Variants in LMX1A observed in about 807,000 individuals in gnomAD.
LMX1A encodes the protein LIM homeobox transcription factor 1-alpha.
A neutral mutation model predicts 49.1 loss-of-function variants in LMX1A; 15 were observed. That is an observed-to-expected ratio of 0.31 (90% confidence interval 0.20 to 0.47). The LOEUF (loss-of-function observed/expected upper bound fraction) is 0.47. Ranked by LOEUF, LMX1A falls within the 20% of genes least tolerant of loss-of-function variation. LMX1A has a pLI of 1.00. For synonymous variants in LMX1A, 167 were observed against 185.7 expected, an observed-to-expected ratio of 0.90 and a Z score of 0.82; for missense variants, 372 against 475.8, an observed-to-expected ratio of 0.78 and a Z score of 2.03.
At chr1:165,286,796 T>C (rs200032337) in intron 3 of LMX1A, among the ~76,000 whole-genome samples, 2 of 144,602 alleles carry the variant, frequency 1.4e-5, no homozygotes, top group Admixed American at 1.4e-4. Context: ...AAACAAGCCC[T>C]TTCCAATCTT....
rs1273483269 is a variant in LMX1A at position 165,203,520 on chromosome 1, G to C, written c.*360C>G. ...CTGTCCTTCTGTCTATTGGTGTGTA[G>C]ATGGATAGACATATGCACCTCTTGA... On this transcript the variant is annotated 3_prime_UTR_variant, in exon 9 of 9. Transcript: ENST00000342310. 5.6e-6 allele frequency: 1 copy of C among 178,586 alleles called. No homozygotes were observed. Among genetic ancestry groups the C allele is most frequent in the South Asian group, 1.5e-4 (1 of 6,604 alleles). The allele number at this position is 178,586 out of a possible 1,614,324, so 11.1% of individuals were successfully genotyped here.
chr1:165,245,834 G>T (rs1210405121), intron 4 of LMX1A, among the ~76,000 whole-genome samples: 1 of 151,898 alleles, frequency 6.6e-6, no homozygotes, highest in African/African-American at 2.4e-5. Flanking sequence ...TCTTTGCGCG[G>T]TTCTGCTAGC....
chr1:165,299,070 T>C (rs1349158775), intron 3 of LMX1A, among the ~76,000 whole-genome samples: 2 of 152,208 alleles, frequency 1.3e-5, no homozygotes, highest in Non-Finnish European at 2.9e-5. Flanking sequence ...TGTCCAAGGG[T>C]AGTATGTTTC....
intron 3 of LMX1A, among the ~76,000 whole-genome samples, chr1:165,314,150 C>T (rs1655154285): frequency 6.6e-6 from 1 of 152,238 alleles, no homozygotes; most frequent in Admixed American, 6.5e-5. Context: ...TAACTGCTGT[C>T]TCAGCCATTT....
At chr1:165,204,446 A>T (rs1207704254) in intron 8 of LMX1A, among the ~76,000 whole-genome samples, 3 of 152,248 alleles carry the variant, frequency 2.0e-5, no homozygotes, top group Non-Finnish European at 2.9e-5. Context: ...GAAGCTAATG[A>T]AAACTCCTGT....
chr1:165,254,322 G>A (rs1241778626), intron 3 of LMX1A, among the ~76,000 whole-genome samples: 1 of 152,182 alleles, frequency 6.6e-6, no homozygotes, highest in South Asian at 2.1e-4. Context: ...CTCAGGAGTC[G>A]CTAGAGGAAG....
intron 3 of LMX1A, among the ~76,000 whole-genome samples, chr1:165,340,120 T>C (rs1301141969): frequency 2.0e-5 from 3 of 152,070 alleles, no homozygotes; most frequent in African/African-American, 7.2e-5. Context: ...GTTTGTTTGG[T>C]TTTTTGAGAC....
intron 3 of LMX1A, among the ~76,000 whole-genome samples, chr1:165,258,618 C>T (rs543500284): frequency 6.6e-6 from 1 of 152,308 alleles, no homozygotes; most frequent in East Asian, 1.9e-4. Context: ...GGAGTGAGAA[C>T]TGCTAAGTAT....
intron 3 of LMX1A, among the ~76,000 whole-genome samples, chr1:165,319,015 A>T (rs899289141): frequency 2.3e-5 from 3 of 131,676 alleles, no homozygotes; most frequent in Admixed American, 7.3e-5. Flanking sequence ...ACACACACAC[A>T]CACACACACA....
At chr1:165,337,888 C>CTGTGCGTGTG (rs1655948271) in intron 3 of LMX1A, among the ~76,000 whole-genome samples, 2 of 147,040 alleles carry the variant, frequency 1.4e-5, no homozygotes, top group Middle Eastern at 6.9e-3. Context: ...GTGTGTGTTT[C>CTGTGCGTGTG]TGTGTGTGTG....
At chr1:165,235,749 G>A (rs1652409468) in intron 4 of LMX1A, among the ~76,000 whole-genome samples, 1 of 152,182 alleles carries the variant, frequency 6.6e-6, no homozygotes, top group Non-Finnish European at 1.5e-5. Context: ...ATTGGAAACC[G>A]AGTTCTTCTT....
chr1:165,208,299 A>AT (rs1201491023), intron 6 of LMX1A, among the ~76,000 whole-genome samples, 167 bp from the exon 7 acceptor site: 1 of 152,228 alleles, frequency 6.6e-6, no homozygotes, highest in Non-Finnish European at 1.5e-5. Context: ...TGCGAGAAGC[A>AT]TTGCAGCTGA....
intron 3 of LMX1A, among the ~76,000 whole-genome samples, chr1:165,318,121 A>G (rs1351735982): frequency 6.6e-6 from 1 of 152,204 alleles, no homozygotes; most frequent in Non-Finnish European, 1.5e-5. Flanking sequence ...AAAAGAAATC[A>G]TTCCTGTTGC....
intron 3 of LMX1A, among the ~76,000 whole-genome samples, chr1:165,328,043 G>C (rs1655638733): frequency 6.6e-6 from 1 of 152,212 alleles, no homozygotes; most frequent in African/African-American, 2.4e-5. Flanking sequence ...GAGACTAGTG[G>C]GGAAAGAAAG....
intron 5 of LMX1A, chr1:165,211,074 T>C: frequency 7.4e-6 from 2 of 271,578 alleles, no homozygotes; most frequent in Non-Finnish European, 1.4e-5. Flanking sequence ...TAGACTTTAG[T>C]CTATTGTTGT....
chr1:165,238,905 CTT>C (rs1382877269), intron 4 of LMX1A, among the ~76,000 whole-genome samples: 2 of 152,348 alleles, frequency 1.3e-5, no homozygotes, highest in African/African-American at 2.4e-5. Flanking sequence ...AAATTACTAA[CTT>C]TTCCATGTTC....
At chr1:165,221,473 A>T (rs1571156861) in intron 4 of LMX1A, among the ~76,000 whole-genome samples, 1 of 152,188 alleles carries the variant, frequency 6.6e-6, no homozygotes. Flanking sequence ...AGCACCGTGC[A>T]CTAAGCACTC....
intron 3 of LMX1A, among the ~76,000 whole-genome samples, chr1:165,341,503 T>C (rs1656074179): frequency 6.6e-6 from 1 of 152,118 alleles, no homozygotes; most frequent in Admixed American, 6.6e-5. Flanking sequence ...ATTATGGAGA[T>C]GTAGGGATTA....
chr1:165,319,426 C>T (rs1238767584), intron 3 of LMX1A, among the ~76,000 whole-genome samples: 2 of 151,978 alleles, frequency 1.3e-5, no homozygotes, highest in African/African-American at 2.4e-5. Context: ...ACAGAGAAAT[C>T]GAACCTTTAA....
Sources: gnomAD v4.1 joint callset for allele counts (sites outside exome capture counted in the v4.1 genomes callset) on GRCh38, gnomAD v4.1.1 for gene constraint, MANE v1.5 for transcripts, NCBI Gene and HGNC (gene_info 2026-07-23, HGNC 2026-07-21) for gene names.